MAP3K10: variants seen among roughly 807,000 people sequenced by gnomAD.
The protein encoded by MAP3K10 is MKN28 derived nonreceptor_type serine/threonine kinase.
Under a neutral mutation model 75.0 loss-of-function variants are expected in MAP3K10, and 22 were observed. The ratio of observed to expected loss-of-function variants is 0.29; its 90% confidence interval spans 0.21 to 0.42. MAP3K10 has a LOEUF of 0.42. Among genes scored for constraint, MAP3K10 ranks in the 10% least tolerant of loss-of-function variants. MAP3K10 has a pLI of 1.00. For missense variants in MAP3K10, 1,165 were observed against 1,379.8 expected (o/e 0.84, Z 2.47); for synonymous variants, 599 against 612.9 (o/e 0.98, Z 0.34).
intron 1 of MAP3K10, among the ~76,000 whole-genome samples, chr19:40,194,391 C>T (rs1199436630): frequency 6.6e-6 from 1 of 151,976 alleles, no homozygotes; most frequent in African/African-American, 2.4e-5. Flanking sequence ...CCACGATGTG[C>T]CAGAGCTGGT....
chr19:40,213,999 C>CCCAG lies in MAP3K10; in HGVS notation c.2322_2323insAGCC (p.Pro776LeufsTer77). On this transcript the variant is annotated frameshift_variant, in exon 9 of 10. Transcript: ENST00000253055. LOFTEE classifies it high-confidence loss of function. The surrounding 1 kb of genome is among the most constrained non-coding windows in gnomAD (Gnocchi z 5.7). ...CAGTGACGAGGCCGCACCGGCCGCG[C>CCCAG]CCTCCCCACCACCCTCCCCGCCCGC... The CCCAG allele has an allele frequency of 5.3e-6, 8 of 1,517,634 alleles. No homozygotes were observed. Among genetic ancestry groups the CCCAG allele is most frequent in the East Asian group, 2.5e-5 (1 of 39,506 alleles). The allele number at this position is 1,517,634 out of a possible 1,614,324, so 94.0% of individuals were successfully genotyped here.
Position 40,213,168 on chromosome 19 carries a change from T to C in MAP3K10, c.1817T>C (p.Phe606Ser). The change falls in exon 8 of 10, where the codon TTT (phenylalanine) becomes TCT (serine). Residue 606 changes from phenylalanine to serine, a missense_variant. Coordinates refer to ENST00000253055, the MANE Select transcript of MAP3K10 (RefSeq NM_002446.4). This position sits in a 1 kb window ranked among gnomAD's most constrained non-coding sequence, Gnocchi z 5.7. ...AAACACACACCCATCGCCCCTGGCT[T>C]TGCCAGCCTCAATGAGATGGGTAAG... ...SPKHTPIAPG[F>S]ASLNEMEEFA... The C allele has an allele frequency of 6.3e-7, 1 of 1,587,926 alleles. No homozygotes were observed. The highest frequency in any genetic ancestry group is 1.2e-5 in the South Asian group (1 of 86,898).
chr19:40,202,731 G>C (rs1973049115), intron 2 of MAP3K10, among the ~76,000 whole-genome samples: 1 of 152,038 alleles, frequency 6.6e-6, no homozygotes, highest in African/African-American at 2.4e-5. Context: ...CTGCAGCCTT[G>C]AACTCTTGGG....
chr19:40,201,492 C>CTT (rs36045799), intron 2 of MAP3K10, among the ~76,000 whole-genome samples: 1 of 113,350 alleles, frequency 8.8e-6, no homozygotes, highest in Non-Finnish European at 1.8e-5. Context: ...CGCACCCAGC[C>CTT]TTTTTTTTTT....
At position 40,209,105 on chromosome 19, in the gene MAP3K10, T is replaced by G; in HGVS notation, c.1438T>G (p.Phe480Val). ...GGSHISLPSG[F>V]EHKITVQASP... is the part of the protein sequence containing the mutation. ...AAAGCTTCTCTTTCTTTCTGCAGGC[T>G]TTGAGCATAAGATCACAGTCCAGGC... is the stretch of plus-strand genomic sequence containing the variant. Residue 480 changes from phenylalanine to valine, a missense_variant and splice_region_variant, in exon 6 of 10, where the codon TTT (phenylalanine) becomes GTT (valine). This residue lies in a region of MAP3K10 where 575 missense variants were observed against 793.2 expected (regional missense o/e 0.72). Coordinates refer to ENST00000253055, the MANE Select transcript of MAP3K10 (RefSeq NM_002446.4). 6.2e-7 allele frequency: 1 copy of G among 1,611,962 alleles called. No individual in the cohort carries two copies. Among genetic ancestry groups the G allele is most frequent in the South Asian group, 1.1e-5 (1 of 91,046 alleles).
Position 40,192,693 on chromosome 19 carries a change from G to A in MAP3K10, c.662G>A (p.Arg221Gln). The A allele has an allele frequency of 6.5e-7, 1 of 1,543,934 alleles. No individual in the cohort carries two copies. The highest frequency in any genetic ancestry group is 8.7e-7 in the Non-Finnish European group (1 of 1,144,394). The change falls in exon 1 of 10, where the codon CGG becomes CAG. Residue 221 changes from arginine to glutamine, a missense_variant. By Grantham distance (43) the Arg-to-Gln change is conservative. This residue lies in a region of MAP3K10 where 575 missense variants were observed against 793.2 expected (regional missense o/e 0.72). Transcript: ENST00000253055. The surrounding 1 kb of genome is among the most constrained non-coding windows in gnomAD (Gnocchi z 7.1). ...GATGCCCCTGTGCCCATCATCCACC[G>A]GGACCTCAAGTCCATCAACAGTAAG... is the stretch of plus-strand genomic sequence containing the variant. ...HNDAPVPIIH[R>Q]DLKSINILIL... is the part of the protein sequence containing the mutation.
rs1973277679 is a variant in MAP3K10, at chr19:40,213,409, G to T, written c.1838-108G>T. On this transcript the variant is annotated intron_variant, in intron 8 of 9. Coordinates refer to ENST00000253055, the MANE Select transcript of MAP3K10 (RefSeq NM_002446.4). This position sits in a 1 kb window ranked among gnomAD's most constrained non-coding sequence, Gnocchi z 5.7. ...GACAGATTCAAGAACGATGCTCGTG[G>T]GTCTTGGTCTTGCTGTTGGAGGGGT... 2.7e-6 allele frequency: 4 copies of T among 1,504,248 alleles called. No individual in the cohort carries two copies. The highest frequency in any genetic ancestry group is 3.5e-6 in the Non-Finnish European group (4 of 1,130,742). The allele number at this position is 1,504,248 out of a possible 1,614,324, so 93.2% of individuals were successfully genotyped here.
chr19:40,191,709 C>T lies in MAP3K10; in HGVS notation c.-323C>T, dbSNP rs1387302524. ...GACTGCCTGCCGCCCTCGCCCTCGT[C>T]CCCCACCGGCGGACCCCGGCGGGCA... On this transcript the variant is annotated 5_prime_UTR_variant, in exon 1 of 10. Coordinates refer to ENST00000253055, the MANE Select transcript of MAP3K10 (RefSeq NM_002446.4). 8.2e-6 allele frequency: 2 copies of T among 243,320 alleles called. No homozygotes were observed. Among genetic ancestry groups the T allele is most frequent in the Non-Finnish European group, 7.8e-6 (1 of 127,454 alleles). The allele number at this position is 243,320 out of a possible 1,614,324, so 15.1% of individuals were successfully genotyped here.
chr19:40,206,216 A>G (rs1255669614), intron 5 of MAP3K10, 59 bp downstream of exon 5: 11 of 1,517,410 alleles, frequency 7.2e-6, no homozygotes, highest in Non-Finnish European at 9.7e-6. Context: ...GCCCCGACCT[A>G]GGATTTATCT....
intron 1 of MAP3K10, among the ~76,000 whole-genome samples, chr19:40,195,433 G>A (rs1358062374): frequency 2.0e-5 from 3 of 146,996 alleles, no homozygotes; most frequent in African/African-American, 7.4e-5. Flanking sequence ...TTTACAGTGG[G>A]GGCTTCCAGG....
Position 40,209,099 on chromosome 19 carries a change from G to T in MAP3K10, c.1436-4G>T, listed in dbSNP as rs1973186953. The T allele has an allele frequency of 1.9e-6, 3 of 1,606,552 alleles. No individual in the cohort carries two copies. The highest frequency in any genetic ancestry group is 4.5e-5 in the East Asian group (2 of 44,826). ...CTTAGGAAAGCTTCTCTTTCTTTCT[G>T]CAGGCTTTGAGCATAAGATCACAGT... On this transcript the variant is annotated splice_region_variant and splice_polypyrimidine_tract_variant and intron_variant, in intron 5 of 9. Transcript: ENST00000253055.
Position 40,214,211 on chromosome 19 carries a change from C to T in MAP3K10, c.2532C>T (p.Gly844=). ...AGCGGGGGCCGCCCGAGCCCGCGGG[C>T]CATGGCCCTGGTGAGTGAGGCGCCC... The part of the protein sequence containing the change: ...LGQRGPPEPA[G]HGPGPRDLLD... Residue 844 remains glycine (G), a synonymous_variant, in exon 9 of 10, where the codon GGC becomes GGT. Coordinates refer to ENST00000253055, the MANE Select transcript of MAP3K10 (RefSeq NM_002446.4). 7.0e-7 allele frequency: 1 copy of T among 1,419,954 alleles called. No homozygotes were observed. The highest frequency in any genetic ancestry group is 9.1e-7 in the Non-Finnish European group (1 of 1,098,500). 88.0% of individuals were successfully genotyped at this position (1,419,954 alleles called of 1,614,324 possible). A position where few individuals can be genotyped will look rare whatever the true frequency, so the allele number is the denominator to read the frequency against.
chr19:40,194,292 A>AG (rs1972867790), intron 1 of MAP3K10, among the ~76,000 whole-genome samples: 1 of 151,966 alleles, frequency 6.6e-6, no homozygotes, highest in Non-Finnish European at 1.5e-5. Flanking sequence ...CAGGAGGTGG[A>AG]GGTTGCAGTG....
At chr19:40,195,989 A>AT (rs1246419575) in intron 1 of MAP3K10, among the ~76,000 whole-genome samples, 12 of 152,232 alleles carry the variant, frequency 7.9e-5, no homozygotes, top group Non-Finnish European at 1.8e-4. Flanking sequence ...AATTATGGCA[A>AT]TATCACACAC....
At position 40,191,739 on chromosome 19, in the gene MAP3K10, A is replaced by C. The variant is rs938084711; in HGVS notation, c.-293A>C. ...ACCGGCGGACCCCGGCGGGCATTCG[A>C]GAGCCGCGCGGCCAGGCCCTCTTAG... is the stretch of plus-strand genomic sequence containing the variant. On this transcript the variant is annotated 5_prime_UTR_variant, in exon 1 of 10. Coordinates refer to ENST00000253055, the MANE Select transcript of MAP3K10 (RefSeq NM_002446.4). 1.1e-5 allele frequency: 3 copies of C among 285,360 alleles called. No homozygotes were observed. The highest frequency in any genetic ancestry group is 4.4e-5 in the African/African-American group (2 of 45,452). 17.7% of individuals were successfully genotyped at this position (285,360 alleles called of 1,614,324 possible).
At chr19:40,207,114 GATATAC>G (rs1973137028) in intron 5 of MAP3K10, among the ~76,000 whole-genome samples, 1 of 152,010 alleles carries the variant, frequency 6.6e-6, no homozygotes, top group Non-Finnish European at 1.5e-5. Flanking sequence ...ATATAATTAA[GATATAC>G]ATATATATGC....
chr19:40,209,728 A>C (rs1047651336), intron 6 of MAP3K10, among the ~76,000 whole-genome samples: 1 of 152,050 alleles, frequency 6.6e-6, no homozygotes, highest in Non-Finnish European at 1.5e-5. Flanking sequence ...GATAATTTCT[A>C]GTAGTGATAA....
Position 40,205,356 on chromosome 19 carries a change from G to A in MAP3K10, c.1188+60G>A. On this transcript the variant is annotated intron_variant, in intron 4 of 9. Coordinates refer to ENST00000253055, the MANE Select transcript of MAP3K10 (RefSeq NM_002446.4). The surrounding 1 kb of genome is among the most constrained non-coding windows in gnomAD (Gnocchi z 4.3). The stretch of plus-strand genomic sequence containing the variant: ...AAGACCCCTGAGTTCTGATGCCTTG[G>A]GCTGCTCAGAGACTCCTCCCCTGAA... 1 of 1,574,306 alleles carries A rather than the reference G, an allele frequency of 6.4e-7. No individual in the cohort carries two copies. The highest frequency in any genetic ancestry group is 8.7e-7 in the Non-Finnish European group (1 of 1,149,832).
In MAP3K10 at chr19:40,214,007, A is replaced by ACCCCCCCCCCCCCCCCCCCCCCCCC; in HGVS notation, c.2330_2331insCCCCCCCCCCCCCCCCCCCCCCCCC (p.Ser779ProfsTer81). On this transcript the variant is annotated frameshift_variant, in exon 9 of 10. Transcript: ENST00000253055. LOFTEE classifies it high-confidence loss of function. ...AGGCCGCACCGGCCGCGCCCTCCCC[A>ACCCCCCCCCCCCCCCCCCCCCCCCC]CCACCCTCCCCGCCCGCGCCCACAC... is the stretch of plus-strand genomic sequence containing the variant. 1.9e-6 allele frequency: 1 copy of ACCCCCCCCCCCCCCCCCCCCCCCCC among 512,952 alleles called. No homozygotes were observed. The highest frequency in any genetic ancestry group is 2.7e-6 in the Non-Finnish European group (1 of 369,904). The allele number at this position is 512,952 out of a possible 1,614,324, so 31.8% of individuals were successfully genotyped here.
Sources: allele counts gnomAD v4.1 joint callset (sites outside exome capture counted in the v4.1 genomes callset), GRCh38; gene constraint gnomAD v4.1.1; regional missense constraint gnomAD v4.1.1; non-coding constraint Gnocchi (gnomAD v3.1); transcripts MANE v1.5; gene names NCBI Gene and HGNC (gene_info 2026-07-23, HGNC 2026-07-21).